The following SNTG1 variants were observed in gnomAD, a reference collection of about 807,000 sequenced individuals.
SNTG1 encodes syntrophin gamma 1.
In SNTG1, 39 loss-of-function variants were observed where a neutral mutation model predicts 74.7. The ratio of observed to expected loss-of-function variants is 0.52; its 90% CI spans 0.40 to 0.68. The LOEUF (loss-of-function observed/expected upper bound fraction) is 0.68, where lower values mean the gene tolerates loss of function less well. Among genes scored for constraint, SNTG1 ranks in the 30% least tolerant of loss-of-function variants. The pLI, the probability that SNTG1 is intolerant of heterozygous loss-of-function variation, is 0.00. For synonymous variants in SNTG1, 254 were observed against 217.1 expected, an observed-to-expected ratio of 1.17 and a Z score of -1.49; for missense variants, 685 against 609.5, an observed-to-expected ratio of 1.12 and a Z score of -1.30.
At chr8:50,106,843 A>G (rs754415623) in intron 1 of SNTG1, among the ~76,000 whole-genome samples, 1 of 152,174 alleles carries the variant, frequency 6.6e-6, no homozygotes, top group African/African-American at 2.4e-5. Flanking sequence ...ACTCAATTCT[A>G]TATTTTAGCA....
chr8:50,322,049 G>C (rs1159379801), intron 2 of SNTG1, among the ~76,000 whole-genome samples: 1 of 152,036 alleles, frequency 6.6e-6, no homozygotes, highest in African/African-American at 2.4e-5. Context: ...TTCAGATTCA[G>C]ATGATTTTTT....
At chr8:49,975,269 A>AT (rs1382670839) in intron 1 of SNTG1, among the ~76,000 whole-genome samples, 2 of 152,132 alleles carry the variant, frequency 1.3e-5, no homozygotes, top group East Asian at 1.9e-4. Context: ...TATTCAAGAG[A>AT]TTTTTTCATT....
intron 1 of SNTG1, among the ~76,000 whole-genome samples, chr8:50,050,493 G>A (rs866076311): frequency 5.9e-5 from 9 of 152,136 alleles, no homozygotes; most frequent in Middle Eastern, 3.4e-3. Flanking sequence ...CAGGCTAGAT[G>A]TGTTTACTTG....
intron 2 of SNTG1, among the ~76,000 whole-genome samples, chr8:50,215,572 A>C (rs1013762661): frequency 6.6e-6 from 1 of 150,990 alleles, no homozygotes; most frequent in Non-Finnish European, 1.5e-5. Flanking sequence ...AAGTGACAAT[A>C]ATAAGGATCA....
intron 1 of SNTG1, among the ~76,000 whole-genome samples, chr8:49,938,661 TTC>T (rs1808403049): frequency 1.4e-5 from 2 of 146,332 alleles, no homozygotes; most frequent in African/African-American, 5.0e-5. Flanking sequence ...TCTCTCTCTC[TTC>T]CTTCCTTCCT....
chr8:50,583,068 G>T (rs186050762), intron 12 of SNTG1, among the ~76,000 whole-genome samples: 1 of 151,972 alleles, frequency 6.6e-6, no homozygotes, highest in Admixed American at 6.6e-5. Flanking sequence ...TGTTTCCTTT[G>T]TGTAGGTCAC....
At chr8:50,631,816 T>G (rs1186323422) in intron 13 of SNTG1, among the ~76,000 whole-genome samples, 1 of 152,176 alleles carries the variant, frequency 6.6e-6, no homozygotes, top group Admixed American at 6.5e-5. Context: ...CCATTTGCAG[T>G]TTAATGGACT....
chr8:50,060,221 G>A (rs1052440443), intron 1 of SNTG1, among the ~76,000 whole-genome samples: 8 of 152,032 alleles, frequency 5.3e-5, no homozygotes, highest in African/African-American at 1.7e-4. Context: ...TTATCACCAA[G>A]TAGTAATTAA....
intron 2 of SNTG1, among the ~76,000 whole-genome samples, chr8:50,206,848 G>T (rs1586690637): frequency 1.3e-5 from 2 of 152,142 alleles, no homozygotes; most frequent in South Asian, 2.1e-4. Context: ...CTTTGGTTCT[G>T]TTTATATGAT....
At chr8:50,017,784 A>G (rs926866468) in intron 1 of SNTG1, among the ~76,000 whole-genome samples, 2 of 152,026 alleles carry the variant, frequency 1.3e-5, no homozygotes, top group African/African-American at 2.4e-5. Flanking sequence ...AATTAAAGAC[A>G]GAGAGAAAGA....
At chr8:49,955,787 A>G (rs1810102432) in intron 1 of SNTG1, among the ~76,000 whole-genome samples, 1 of 152,188 alleles carries the variant, frequency 6.6e-6, no homozygotes, top group African/African-American at 2.4e-5. Context: ...ATTGTCACAC[A>G]TGAAAAGGGC....
intron 18 of SNTG1, among the ~76,000 whole-genome samples, chr8:50,774,580 A>T (rs984205803): frequency 6.6e-6 from 1 of 151,894 alleles, no homozygotes; most frequent in South Asian, 2.1e-4. Flanking sequence ...TAGTAAATAT[A>T]CACTACAGAA....
At chr8:49,928,523 G>C (rs1002952251) in intron 1 of SNTG1, among the ~76,000 whole-genome samples, 1 of 151,980 alleles carries the variant, frequency 6.6e-6, no homozygotes, top group Admixed American at 6.6e-5. Context: ...GAGCCACCGC[G>C]ACCGGCCAGA....
intron 2 of SNTG1, among the ~76,000 whole-genome samples, chr8:50,355,728 TAA>T (rs903180861): frequency 4.6e-5 from 7 of 152,224 alleles, no homozygotes; most frequent in Non-Finnish European, 1.0e-4. Flanking sequence ...GGATTTGACC[TAA>T]GTCTGTGAGA....
At chr8:50,595,083 A>C (rs978745024) in intron 13 of SNTG1, among the ~76,000 whole-genome samples, 14 of 151,366 alleles carry the variant, frequency 9.2e-5, no homozygotes, top group African/African-American at 3.2e-4. Context: ...TCTATTAATG[A>C]AACTGACAAT....
chr8:50,609,518 G>A (rs1170685441), intron 13 of SNTG1, among the ~76,000 whole-genome samples: 1 of 151,966 alleles, frequency 6.6e-6, no homozygotes, highest in Admixed American at 6.6e-5. Flanking sequence ...ATCTCTTTGT[G>A]TTTATTCCAC....
In SNTG1 at chr8:50,421,147, G is replaced by A. The variant is rs1563363199; in HGVS notation, c.163-17396G>A. 2.0e-5 allele frequency among the ~76,000 whole-genome samples: 3 copies of A among 151,648 alleles called. No homozygotes were observed. The South Asian group carries it at 6.2e-4, about 32-fold the overall frequency. ...ATGCTAACACTGTTACCAGAAAAGGGTACCAATCCATACCCCAAGAGAGGG... is the reference window on the plus strand; with the variant it reads ...ATGCTAACACTGTTACCAGAAAAGGATACCAATCCATACCCCAAGAGAGGG... On this transcript the variant is annotated intron_variant, in intron 4 of 18. Transcript: ENST00000642720.
At chr8:50,511,340 G>A (rs2094072243) in intron 9 of SNTG1, among the ~76,000 whole-genome samples, 1 of 152,168 alleles carries the variant, frequency 6.6e-6, no homozygotes, top group Non-Finnish European at 1.5e-5. Flanking sequence ...TTCCAACTAT[G>A]TGGTCAATTT....
intron 13 of SNTG1, among the ~76,000 whole-genome samples, chr8:50,649,726 A>T (rs2095132820): frequency 6.6e-6 from 1 of 152,166 alleles, no homozygotes; most frequent in South Asian, 2.1e-4. Context: ...AGCCTCATTA[A>T]TGCTCTTGCC....
Sources: gnomAD v4.1 joint callset for allele counts (sites outside exome capture counted in the v4.1 genomes callset) on GRCh38, gnomAD v4.1.1 for gene constraint, MANE v1.5 for transcripts, NCBI Gene and HGNC (gene_info 2026-07-23, HGNC 2026-07-21) for gene names.